Variants in ZFAT observed in about 807,000 individuals in gnomAD.
ZFAT encodes zinc finger and AT-hook domain containing, also known as zinc finger protein ZFAT.
In ZFAT, 64 loss-of-function variants were observed where a neutral mutation model predicts 117.7. The ratio of observed to expected loss-of-function variants is 0.54; its 90% confidence interval spans 0.44 to 0.67. The LOEUF (loss-of-function observed/expected upper bound fraction) is 0.67, where lower values mean the gene tolerates loss of function less well. ZFAT is among the 30% of genes least tolerant of loss of function. The pLI is 0.00. For synonymous variants in ZFAT, 679 were observed against 615.0 expected (o/e 1.10, Z -1.54); for missense variants, 1,433 against 1,584.5 (o/e 0.90, Z 1.62).
chr8:134,773,213 A>G, the ZFAT span, among the ~76,000 whole-genome samples: 1 of 152,100 alleles, frequency 6.6e-6, no homozygotes, highest in Admixed American at 6.6e-5. Context: ...CTCATTTACC[A>G]CTCTGAAAAT....
the ZFAT span, among the ~76,000 whole-genome samples, chr8:134,763,848 GTCTT>G: frequency 2.0e-5 from 3 of 152,186 alleles, no homozygotes; most frequent in Non-Finnish European, 2.9e-5. Context: ...TGATGGTCCT[GTCTT>G]TCCAGAATCT....
chr8:134,513,951 GC>G (rs1316364222), intron 13 of ZFAT, among the ~76,000 whole-genome samples: 2 of 152,206 alleles, frequency 1.3e-5, no homozygotes, highest in Non-Finnish European at 2.9e-5. Context: ...GTACCATGAG[GC>G]AACAGATTAG....
At chr8:134,492,575 C>A (rs1326643280) in intron 15 of ZFAT, among the ~76,000 whole-genome samples, 2 of 152,194 alleles carry the variant, frequency 1.3e-5, no homozygotes, top group East Asian at 3.9e-4. Context: ...GGGCTTCACT[C>A]ACTGCTTAAA....
chr8:134,655,625 G>A (rs929246258), intron 2 of ZFAT, among the ~76,000 whole-genome samples: 6 of 151,592 alleles, frequency 4.0e-5, no homozygotes, highest in Non-Finnish European at 8.8e-5. Flanking sequence ...TCGAGCCTGG[G>A]CAACAGAGTG....
At chr8:134,754,877 G>C in the ZFAT span, among the ~76,000 whole-genome samples, 1 of 152,028 alleles carries the variant, frequency 6.6e-6, no homozygotes, top group Non-Finnish European at 1.5e-5. Flanking sequence ...TTCGCCAATG[G>C]CTTCAGCTGC....
At chr8:134,551,469 G>C (rs755680768) in intron 11 of ZFAT, among the ~76,000 whole-genome samples, 1 of 152,200 alleles carries the variant, frequency 6.6e-6, no homozygotes. Flanking sequence ...ATTCAACCTT[G>C]TGGTGGAACT....
At chr8:134,829,365 G>A in the ZFAT span, among the ~76,000 whole-genome samples, 22 of 152,310 alleles carry the variant, frequency 1.4e-4, no homozygotes, top group South Asian at 1.9e-3. Flanking sequence ...ATTGGACACC[G>A]CTGCCTTAAA....
chr8:134,638,098 G>A (rs192821057), intron 2 of ZFAT, among the ~76,000 whole-genome samples: 19 of 152,228 alleles, frequency 1.2e-4, no homozygotes, highest in East Asian at 3.9e-4. Context: ...TTTGCAAAGC[G>A]TTCTCAAAGG....
the ZFAT span, among the ~76,000 whole-genome samples, chr8:134,769,912 C>G: frequency 3.4e-4 from 52 of 152,370 alleles, no homozygotes; most frequent in Non-Finnish European, 6.8e-4. Context: ...GAAGCCACAG[C>G]CTGAGCTCTA....
chr8:134,568,886 T>C (rs1824671684), intron 10 of ZFAT, among the ~76,000 whole-genome samples: 1 of 152,186 alleles, frequency 6.6e-6, no homozygotes, highest in South Asian at 2.1e-4. Context: ...CAGATGGCTT[T>C]CTATCAAGAG....
intron 3 of ZFAT, among the ~76,000 whole-genome samples, chr8:134,619,039 G>C (rs1484897659): frequency 6.6e-6 from 1 of 152,168 alleles, no homozygotes; most frequent in Non-Finnish European, 1.5e-5. Flanking sequence ...GGAAAAGTTT[G>C]TGTTGTTAAA....
At chr8:134,605,060 C>T (rs1273072689) in intron 5 of ZFAT, among the ~76,000 whole-genome samples, 1 of 152,106 alleles carries the variant, frequency 6.6e-6, no homozygotes, top group East Asian at 1.9e-4. Context: ...CTGGTAAAGC[C>T]CTTAGTGCCC....
In ZFAT at chr8:134,610,560, G is replaced by C. The variant is rs756597749; in HGVS notation, c.544C>G (p.Gln182Glu). The change falls in exon 4 of 16, where the codon CAG becomes GAG. Residue 182 changes from glutamine to glutamate, a missense_variant. This residue lies in a region of ZFAT where 436 missense variants were observed against 482.0 expected (regional missense o/e 0.90). Transcript: ENST00000377838. ...CTGGCCTCCTTTCCTGAGATCTTCT[G>C]GACTTTCTCTGTTTTCTGTGACCGT... ...RPRSQKTEKV[Q>E]KISGKEARQL... The C allele has an allele frequency of 2.5e-6, 4 of 1,614,040 alleles. No homozygotes were observed. Among genetic ancestry groups the C allele is most frequent in the Non-Finnish European group, 2.5e-6 (3 of 1,180,052 alleles).
chr8:134,808,391 T>C, the ZFAT span, among the ~76,000 whole-genome samples: 1 of 152,256 alleles, frequency 6.6e-6, no homozygotes, highest in Non-Finnish European at 1.5e-5. Flanking sequence ...CTTACTCTTT[T>C]GCCTTTATTT....
intron 10 of ZFAT, among the ~76,000 whole-genome samples, chr8:134,577,184 G>A (rs1305441295): frequency 6.6e-6 from 1 of 152,140 alleles, no homozygotes; most frequent in Non-Finnish European, 1.5e-5. Context: ...GTTTAATCGA[G>A]CCCTTTATAG....
chr8:134,539,599 T>C (rs114834726), intron 11 of ZFAT, among the ~76,000 whole-genome samples: 1,576 of 152,238 alleles, frequency 0.01, 22 homozygotes, highest in African/African-American at 0.037. Flanking sequence ...CAGACAGAGA[T>C]AGACATACAG....
intron 3 of ZFAT, among the ~76,000 whole-genome samples, chr8:134,615,567 C>T (rs1416211317): frequency 1.3e-5 from 2 of 152,124 alleles, no homozygotes; most frequent in African/African-American, 4.8e-5. Context: ...TTGCTCCTTC[C>T]CTGTCTCACT....
chr8:134,569,481 C>T (rs1421116156), intron 10 of ZFAT, among the ~76,000 whole-genome samples: 1 of 152,036 alleles, frequency 6.6e-6, no homozygotes, highest in African/African-American at 2.4e-5. Context: ...GGTGACTGCC[C>T]ATCAGAAGGT....
intron 3 of ZFAT, among the ~76,000 whole-genome samples, chr8:134,620,703 C>A (rs1829050984): frequency 6.6e-6 from 1 of 152,200 alleles, no homozygotes; most frequent in South Asian, 2.1e-4. Context: ...CAGCTGAAAT[C>A]CAAGCCCCCT....
Sources: gnomAD v4.1 joint callset for allele counts (sites outside exome capture counted in the v4.1 genomes callset) on GRCh38, gnomAD v4.1.1 for gene constraint, gnomAD v4.1.1 regional missense constraint, MANE v1.5 for transcripts, NCBI Gene and HGNC (gene_info 2026-07-23, HGNC 2026-07-21) for gene names.